The following DENND2B variants were observed in gnomAD, a reference collection of about 807,000 sequenced individuals.
DENND2B encodes DENN domain containing 2B, also known as DENN domain-containing protein 2B.
Under a neutral mutation model 116.0 loss-of-function variants are expected in DENND2B, and 32 were observed. That is an observed-to-expected ratio of 0.28 (90% confidence interval 0.21 to 0.37). The LOEUF (loss-of-function observed/expected upper bound fraction) is 0.37, where lower values mean the gene tolerates loss of function less well. Ranked by LOEUF, DENND2B falls within the 10% of genes least tolerant of loss-of-function variation. The pLI is 1.00. For missense variants in DENND2B, 1,276 were observed against 1,477.7 expected (o/e 0.86, Z 2.24); for synonymous variants, 588 against 583.9 (o/e 1.01, Z -0.10).
upstream of DENND2B, among the ~76,000 whole-genome samples, chr11:8,812,819 T>A (rs2061437680): frequency 6.6e-6 from 1 of 152,166 alleles, no homozygotes; most frequent in Non-Finnish European, 1.5e-5. Flanking sequence ...TGACAACTCC[T>A]CACCAAAAAC....
At chr11:8,753,257 T>C (rs1012448621) in intron 1 of DENND2B, among the ~76,000 whole-genome samples, 9 of 152,106 alleles carry the variant, frequency 5.9e-5, no homozygotes, top group East Asian at 1.9e-4. Context: ...AAAAAATCAA[T>C]TTTATTTCTA....
At chr11:8,709,735 C>T (rs1266952884) in intron 11 of DENND2B, among the ~76,000 whole-genome samples, 1 of 152,196 alleles carries the variant, frequency 6.6e-6, no homozygotes, top group African/African-American at 2.4e-5. Flanking sequence ...TTTGACTTTC[C>T]AATCTATGGA....
chr11:8,888,908 A>T (rs2134739500), intron 1 of DENND2B, among the ~76,000 whole-genome samples: 1 of 152,308 alleles, frequency 6.6e-6, no homozygotes. Flanking sequence ...ATTAAGGAAA[A>T]CAAAGGCAAA....
Position 8,816,897 on chromosome 11 carries a change from C to T in DENND2B, c.-114-5562G>A, listed in dbSNP as rs145646474. Among the ~76,000 whole-genome samples the T allele has an allele frequency of 2.1e-3, 327 of 152,300 alleles. 1 individual carries two copies. The highest frequency in any genetic ancestry group is 3.6e-3 in the Non-Finnish European group (247 of 68,030). On this transcript the variant is annotated intron_variant, in intron 4 of 6. Transcript: ENST00000524757. ...CTACTGCATCATTCTACGCAGTCACCCAGTCCTACTGCTTTCTAAGTCCAA... is the reference window on the plus strand; with the variant it reads ...CTACTGCATCATTCTACGCAGTCACTCAGTCCTACTGCTTTCTAAGTCCAA...
intron 1 of DENND2B, among the ~76,000 whole-genome samples, chr11:8,769,152 G>A (rs375690887): frequency 8.6e-5 from 13 of 151,912 alleles, no homozygotes; most frequent in African/African-American, 2.9e-4. Context: ...CCCAAGTGCT[G>A]ACACATTTGT....
chr11:8,746,931 G>A (rs1229226170), intron 2 of DENND2B, among the ~76,000 whole-genome samples: 1 of 152,128 alleles, frequency 6.6e-6, no homozygotes, highest in African/African-American at 2.4e-5. Context: ...CTGTGCCTCA[G>A]TTTCCCAATC....
intron 3 of DENND2B, among the ~76,000 whole-genome samples, chr11:8,840,181 AAC>A (rs2062577323): frequency 6.6e-6 from 1 of 152,000 alleles, no homozygotes; most frequent in African/African-American, 2.4e-5. Context: ...CAGAGAGGCC[AAC>A]ACACACACTT....
chr11:8,792,035 G>A (rs953218047), intron 1 of DENND2B, among the ~76,000 whole-genome samples: 8 of 152,020 alleles, frequency 5.3e-5, no homozygotes, highest in East Asian at 1.9e-4. Flanking sequence ...GTGAAACCCC[G>A]TCTCTACAAA....
chr11:8,733,140 C>G (rs985519336), intron 2 of DENND2B, among the ~76,000 whole-genome samples: 2 of 152,244 alleles, frequency 1.3e-5, no homozygotes, highest in Non-Finnish European at 2.9e-5. Context: ...CAAAGAGGCT[C>G]TGCTCAGTGA....
intron 4 of DENND2B, among the ~76,000 whole-genome samples, chr11:8,837,170 T>G (rs909522805): frequency 2.7e-5 from 4 of 149,872 alleles, no homozygotes; most frequent in African/African-American, 9.8e-5. Flanking sequence ...ATGCAAGATC[T>G]GATTAAATCT....
At position 8,714,656 on chromosome 11, in the gene DENND2B, T is replaced by C; in HGVS notation, c.1896A>G (p.Arg632=). Residue 632 remains arginine, a synonymous_variant, in exon 7 of 20, where the codon AGA becomes AGG. Transcript: ENST00000313726. ...SIYNAKRGKK[R]LKKLSMSSIE... ...TGCTGGACATAGACAACTTTTTTAA[T>C]CTCTTCTTTCCTCTCTTGGCATTGT... 6.2e-7 allele frequency: 1 copy of C among 1,614,216 alleles called. No homozygotes were observed. The highest frequency in any genetic ancestry group is 8.5e-7 in the Non-Finnish European group (1 of 1,180,044).
At position 8,801,689 on chromosome 11, in the gene DENND2B, A is replaced by AAAAAAAGAAAGAAAG. The variant is rs56084309; in HGVS notation, c.-26+8827_-26+8828insCTTTCTTTCTTTTTT. Among the ~76,000 whole-genome samples the AAAAAAAGAAAGAAAG allele has an allele frequency of 1.4e-4, 17 of 117,696 alleles. 1 individual carries two copies. The highest frequency in any genetic ancestry group is 4.6e-4 in the African/African-American group (14 of 30,298). The allele number at this position is 117,696 out of a possible 152,430, so 77.2% of individuals were successfully genotyped here. The stretch of plus-strand genomic sequence containing the variant: ...AAGACTTTGTCTCAAAAAAAAAAAA[A>AAAAAAAGAAAGAAAG]AAAGAAAGAAAGAAACAAACAAACA... On this transcript the variant is annotated intron_variant, in intron 1 of 19. Transcript: ENST00000313726.
chr11:8,819,733 T>C (rs1180568270), intron 4 of DENND2B, among the ~76,000 whole-genome samples: 1 of 152,120 alleles, frequency 6.6e-6, no homozygotes, highest in African/African-American at 2.4e-5. Context: ...GCCAGGGTCA[T>C]GAAAGACAAG....
In DENND2B at chr11:8,712,757, G is replaced by C; in HGVS notation, c.1988-22C>G. 6.2e-7 allele frequency: 1 copy of C among 1,600,062 alleles called. No individual in the cohort carries two copies. The highest frequency in any genetic ancestry group is 8.5e-7 in the Non-Finnish European group (1 of 1,173,544). On this transcript the variant is annotated intron_variant, in intron 8 of 19. Transcript: ENST00000313726. This position sits in a 1 kb window ranked among gnomAD's most constrained non-coding sequence, Gnocchi z 4.4. ...TGGGCTGGAGGCAGGTTGCACATCA[G>C]GGAATGGACCCTCACAGGCCTCATG...
rs2043858202 is a variant in DENND2B, at chr11:8,712,149, A to C, written c.2172+402T>G. 1 of 374,208 alleles carries C rather than the reference A, an allele frequency of 2.7e-6. No homozygotes were observed. The highest frequency in any genetic ancestry group is 7.3e-5 in the East Asian group (1 of 13,744). The allele number at this position is 374,208 out of a possible 1,614,324, so 23.2% of individuals were successfully genotyped here. The stretch of plus-strand genomic sequence containing the variant: ...GGAGTGAGAGACAGGCTGGTGGGAG[A>C]AGTGCGGAGTGACAGCTAGTGGGTG... On this transcript the variant is annotated intron_variant, in intron 9 of 19. Coordinates refer to ENST00000313726, the MANE Select transcript of DENND2B (RefSeq NM_213618.2). This position sits in a 1 kb window ranked among gnomAD's most constrained non-coding sequence, Gnocchi z 4.4.
At chr11:8,839,457 C>A (rs2062549601) in intron 3 of DENND2B, 1 of 152,180 alleles carries the variant, frequency 6.6e-6, no homozygotes. Flanking sequence ...GTATTAGAGG[C>A]TCTGATATTG....
At chr11:8,901,264 C>A (rs1385137718) in intron 1 of DENND2B, among the ~76,000 whole-genome samples, 8 of 95,676 alleles carry the variant, frequency 8.4e-5, no homozygotes, top group African/African-American at 3.4e-4. Context: ...GAGTCTTGCT[C>A]TATTGCCCAG....
chr11:8,798,789 C>T (rs2134391544), intron 1 of DENND2B, among the ~76,000 whole-genome samples: 1 of 150,704 alleles, frequency 6.6e-6, no homozygotes, highest in East Asian at 2.0e-4. Context: ...TTTCTATTTC[C>T]ACTTAATGAG....
At chr11:8,839,911 G>T (rs2062566947) in intron 3 of DENND2B, among the ~76,000 whole-genome samples, 1 of 152,138 alleles carries the variant, frequency 6.6e-6, no homozygotes, top group Non-Finnish European at 1.5e-5. Flanking sequence ...GGAATTTCAG[G>T]AGACAGATGA....
Sources: allele counts gnomAD v4.1 joint callset (sites outside exome capture counted in the v4.1 genomes callset), GRCh38; gene constraint gnomAD v4.1.1; non-coding constraint Gnocchi (gnomAD v3.1); transcripts MANE v1.5; gene names NCBI Gene and HGNC (gene_info 2026-07-23, HGNC 2026-07-21).